The following ZMAT5 variants were observed in gnomAD, a reference collection of about 807,000 sequenced individuals.
ZMAT5 encodes zinc finger matrin-type 5.
ZMAT5 carries 23 observed loss-of-function variants against 28.0 expected under a neutral mutation model. That is an observed-to-expected ratio of 0.82 (90% CI 0.59 to 1.16). The LOEUF is 1.16. ZMAT5 is among the 50% of genes most tolerant of loss of function. The probability of loss-of-function intolerance (pLI) is 0.00; values close to 1 mark genes in which losing one functional copy is unlikely to be tolerated. For missense variants in ZMAT5, 173 were observed against 212.7 expected, an observed-to-expected ratio of 0.81 and a Z score of 1.16; for synonymous variants, 76 against 84.1, an observed-to-expected ratio of 0.90 and a Z score of 0.52.
intron 5 of ZMAT5, among the ~76,000 whole-genome samples, chr22:29,737,409 C>T (rs1259374539): frequency 6.6e-6 from 1 of 152,240 alleles, no homozygotes; most frequent in Non-Finnish European, 1.5e-5. Flanking sequence ...GTTTGGCCTT[C>T]ACCTCCTGGC....
At chr22:29,751,803 C>CA (rs977120729) in intron 1 of ZMAT5, among the ~76,000 whole-genome samples, 5 of 152,060 alleles carry the variant, frequency 3.3e-5, no homozygotes, top group Non-Finnish European at 7.4e-5. Context: ...CCCATCTGTA[C>CA]AAAAAATGCA....
At chr22:29,755,576 T>C (rs1281463789) in intron 1 of ZMAT5, among the ~76,000 whole-genome samples, 3 of 152,200 alleles carry the variant, frequency 2.0e-5, no homozygotes, top group Middle Eastern at 3.4e-3. Flanking sequence ...ATTCCCTTAT[T>C]TAATCCTCCT....
chr22:29,756,932 G>A (rs1275892533), intron 1 of ZMAT5, among the ~76,000 whole-genome samples: 4 of 152,058 alleles, frequency 2.6e-5, no homozygotes, highest in African/African-American at 4.8e-5. Flanking sequence ...CCAGCTAGTC[G>A]GGAGGCTGAG....
chr22:29,758,342 G>T (rs753178895), intron 1 of ZMAT5, among the ~76,000 whole-genome samples: 1 of 152,122 alleles, frequency 6.6e-6, no homozygotes, highest in African/African-American at 2.4e-5. Flanking sequence ...TAGGTTGGAC[G>T]CAGTGGTTCA....
chr22:29,734,522 A>T (rs1053961253), intron 5 of ZMAT5, among the ~76,000 whole-genome samples: 3 of 152,340 alleles, frequency 2.0e-5, no homozygotes, highest in Non-Finnish European at 4.4e-5. Context: ...ACAGCAGCCT[A>T]AATGCTCATT....
At chr22:29,740,614 C>T (rs1332376387) in intron 4 of ZMAT5, 36 bp downstream of exon 4, 3 of 1,561,798 alleles carry the variant, frequency 1.9e-6, no homozygotes, top group Non-Finnish European at 8.7e-7. Context: ...CCCCAGCACC[C>T]CACTCCCGCT....
At chr22:29,739,436 T>C (rs1281436209) in intron 4 of ZMAT5, among the ~76,000 whole-genome samples, 1 of 152,084 alleles carries the variant, frequency 6.6e-6, no homozygotes, top group Non-Finnish European at 1.5e-5. Context: ...GGAGCTCACT[T>C]GGGGCCGGGC....
intron 4 of ZMAT5, among the ~76,000 whole-genome samples, chr22:29,739,097 G>A (rs2067936897): frequency 6.6e-6 from 1 of 152,060 alleles, no homozygotes; most frequent in Non-Finnish European, 1.5e-5. Flanking sequence ...AGTCGAATGG[G>A]GTCACATCTC....
At chr22:29,760,305 G>A (rs953309814) in intron 1 of ZMAT5, among the ~76,000 whole-genome samples, 11 of 151,208 alleles carry the variant, frequency 7.3e-5, no homozygotes, top group Non-Finnish European at 1.3e-4. Flanking sequence ...CCTGAGAGGC[G>A]GAGCTTGCAG....
intron 2 of ZMAT5, chr22:29,746,859 C>A (rs1219414871): frequency 6.6e-6 from 1 of 152,206 alleles, no homozygotes; most frequent in Non-Finnish European, 1.5e-5. Flanking sequence ...AGATCACAGC[C>A]CACACTGGAT....
chr22:29,731,314 C>A lies in ZMAT5; in HGVS notation c.424G>T (p.Gly142Cys), dbSNP rs777376899. The A allele has an allele frequency of 2.6e-6, 4 of 1,531,406 alleles. No individual in the cohort carries two copies. The highest frequency in any genetic ancestry group is 3.5e-6 in the Non-Finnish European group (4 of 1,150,866). 94.9% of individuals were successfully genotyped at this position (1,531,406 alleles called of 1,614,324 possible). Residue 142 changes from glycine to cysteine, a missense_variant, in exon 6 of 6, where the codon GGC (glycine) becomes TGC (cysteine). Coordinates refer to ENST00000344318, the MANE Select transcript of ZMAT5 (RefSeq NM_001003692.2). ...IRTTVFQYPV[G>C]WPPVQELPPS... The stretch of plus-strand genomic sequence containing the variant: ...GGCAGCTCCTGAACTGGTGGCCAGC[C>A]CACGGGGTACTGGAAGACAGTGGTT...
chr22:29,764,568 T>C (rs1046884321), intron 1 of ZMAT5, among the ~76,000 whole-genome samples: 1 of 152,158 alleles, frequency 6.6e-6, no homozygotes, highest in Non-Finnish European at 1.5e-5. Flanking sequence ...TGACGCGATC[T>C]CAGTTAGTGG....
intron 5 of ZMAT5, among the ~76,000 whole-genome samples, chr22:29,732,684 G>A (rs989091236): frequency 1.8e-4 from 26 of 148,014 alleles, no homozygotes; most frequent in Admixed American, 6.2e-4. Flanking sequence ...AGCTTGCAGT[G>A]AGCCGAGATC....
chr22:29,746,132 C>G (rs1467140220), intron 2 of ZMAT5: 2 of 152,136 alleles, frequency 1.3e-5, no homozygotes, highest in Non-Finnish European at 2.9e-5. Context: ...GCCACCATGC[C>G]TGGCTAATTT....
intron 5 of ZMAT5, among the ~76,000 whole-genome samples, chr22:29,734,833 A>T (rs1034291218): frequency 3.3e-5 from 1 of 30,166 alleles, no homozygotes; most frequent in Non-Finnish European, 7.9e-5. Flanking sequence ...CCCCCGCCCC[A>T]GCCCCAGCCC....
chr22:29,750,807 A>G (rs2147229649), intron 1 of ZMAT5, among the ~76,000 whole-genome samples: 1 of 152,326 alleles, frequency 6.6e-6, no homozygotes, highest in East Asian at 1.9e-4. Context: ...GCTCAGGAGG[A>G]GGAGACTGGG....
intron 1 of ZMAT5, among the ~76,000 whole-genome samples, chr22:29,756,669 G>T (rs1272124573): frequency 2.0e-5 from 3 of 152,192 alleles, no homozygotes; most frequent in Admixed American, 6.5e-5. Context: ...AGCACTTTGG[G>T]AGGCCAAGGT....
chr22:29,738,388 G>A lies in ZMAT5; in HGVS notation c.325C>T (p.His109Tyr), dbSNP rs1321560730. 2 of 1,610,286 alleles carry A rather than the reference G, an allele frequency of 1.2e-6. No individual in the cohort carries two copies. The highest frequency in any genetic ancestry group is 3.3e-5 in the Admixed American group (2 of 59,884). ...LLDAPELPEG[H>Y]LEDWLEKRAK... ...CTCTTCTCCAGCCAGTCCTCCAGAT[G>A]GCCCTCGGGGAGCTCAGGAGCATCT... The change falls in exon 5 of 6, where the codon CAT becomes TAT. Residue 109 changes from histidine to tyrosine, a missense_variant. His to Tyr is a moderately conservative substitution (Grantham distance 83). Coordinates refer to ENST00000344318, the MANE Select transcript of ZMAT5 (RefSeq NM_001003692.2).
At chr22:29,741,956 T>G (rs1421816999) in intron 3 of ZMAT5, among the ~76,000 whole-genome samples, 1 of 152,150 alleles carries the variant, frequency 6.6e-6, no homozygotes, top group Non-Finnish European at 1.5e-5. Context: ...GCTCGGCCCT[T>G]TATCTCTCTG....
Sources: allele counts gnomAD v4.1 joint callset (sites outside exome capture counted in the v4.1 genomes callset), GRCh38; gene constraint gnomAD v4.1.1; transcripts MANE v1.5; gene names NCBI Gene and HGNC (gene_info 2026-07-23, HGNC 2026-07-21).